Variants in SHISAL2B observed in about 807,000 individuals in gnomAD.
SHISAL2B encodes the protein protein shisa-like-2B.
SHISAL2B carries 12 observed loss-of-function variants against 16.5 expected under a neutral mutation model. That is an observed-to-expected ratio of 0.73 (90% CI 0.47 to 1.18). SHISAL2B has a LOEUF of 1.18. SHISAL2B is among the 50% of genes most tolerant of loss of function. The pLI, the probability that SHISAL2B is intolerant of heterozygous loss-of-function variation, is 0.00. For synonymous variants in SHISAL2B, 72 were observed against 75.0 expected, an observed-to-expected ratio of 0.96 and a Z score of 0.21; for missense variants, 183 against 193.6, an observed-to-expected ratio of 0.95 and a Z score of 0.33.
rs567689482 is a variant in SHISAL2B, at chr5:64,692,277, G to A, written c.191+1463G>A. On this transcript the variant is annotated intron_variant, in intron 1 of 2. Coordinates refer to ENST00000389074, the MANE Select transcript of SHISAL2B (RefSeq NM_001164442.2). ...AAACTCAACTGGAAAATGTGCCTGA[G>A]ATTCTCAGATCCTTGAATAGTTCCA... Among the ~76,000 whole-genome samples the A allele has an allele frequency of 8.5e-4, 130 of 152,318 alleles. 2 individuals are homozygous for A. The highest frequency in any genetic ancestry group is 1.6e-3 in the Non-Finnish European group (112 of 68,036).
At chr5:64,693,101 G>A (rs1208838384) in intron 1 of SHISAL2B, among the ~76,000 whole-genome samples, 1 of 151,554 alleles carries the variant, frequency 6.6e-6, no homozygotes, top group Non-Finnish European at 1.5e-5. Context: ...TTCGCCTTCC[G>A]GGTTCACGCC....
At chr5:64,709,459 C>T (rs1741923785) in intron 2 of SHISAL2B, among the ~76,000 whole-genome samples, 1 of 143,280 alleles carries the variant, frequency 7.0e-6, no homozygotes, top group Non-Finnish European at 1.5e-5. Context: ...TGGGTTGGTT[C>T]CAAGTCTTTG....
At chr5:64,707,339 T>G (rs1409950697) in intron 2 of SHISAL2B, among the ~76,000 whole-genome samples, 1 of 152,156 alleles carries the variant, frequency 6.6e-6, no homozygotes, top group African/African-American at 2.4e-5. Flanking sequence ...CCTCTTGAGG[T>G]CCCAGGATAA....
At chr5:64,714,914 G>A (rs917315364) in intron 2 of SHISAL2B, among the ~76,000 whole-genome samples, 2 of 152,070 alleles carry the variant, frequency 1.3e-5, no homozygotes, top group African/African-American at 2.4e-5. Flanking sequence ...CACGGTGCGT[G>A]CACCCACTGG....
intron 2 of SHISAL2B, among the ~76,000 whole-genome samples, chr5:64,703,231 C>T (rs1741832911): frequency 1.3e-5 from 2 of 152,282 alleles, no homozygotes; most frequent in South Asian, 4.1e-4. Context: ...ATGAATTAGG[C>T]TGCCAAATTA....
chr5:64,718,015 C>T lies in SHISAL2B; in HGVS notation c.476C>T (p.Ala159Val). 6.7e-7 allele frequency: 1 copy of T among 1,499,938 alleles called. No individual in the cohort carries two copies. The allele number at this position is 1,499,938 out of a possible 1,614,324, so 92.9% of individuals were successfully genotyped here. The change falls in exon 3 of 3, where the codon GCT becomes GTT. Residue 159 changes from alanine to valine, a missense_variant. Ala to Val is a moderately conservative substitution (Grantham distance 64). Transcript: ENST00000389074. The part of the protein sequence containing the change: ...KTMDATQIHI[A>V]Y The stretch of plus-strand genomic sequence containing the variant: ...ATGGATGCAACACAAATCCACATTG[C>T]TTATTAACTAAAAATTCTGTGTTTT...
At chr5:64,694,168 T>C (rs1741695276) in intron 1 of SHISAL2B, 1 of 448,946 alleles carries the variant, frequency 2.2e-6, no homozygotes, top group Non-Finnish European at 4.4e-6. Flanking sequence ...AAAAAGATCA[T>C]TACTTTTCAA....
chr5:64,705,995 C>T (rs1741870908), intron 2 of SHISAL2B, among the ~76,000 whole-genome samples: 1 of 152,090 alleles, frequency 6.6e-6, no homozygotes, highest in Non-Finnish European at 1.5e-5. Flanking sequence ...TCCATCTCTA[C>T]CAAAAAATTA....
intron 2 of SHISAL2B, among the ~76,000 whole-genome samples, chr5:64,705,528 G>A (rs1009939835): frequency 1.3e-5 from 2 of 151,836 alleles, no homozygotes; most frequent in East Asian, 1.9e-4. Flanking sequence ...TACTTAAATC[G>A]GTGCTTATAT....
At chr5:64,704,070 T>C (rs563025624) in intron 2 of SHISAL2B, among the ~76,000 whole-genome samples, 1 of 151,784 alleles carries the variant, frequency 6.6e-6, no homozygotes, top group Non-Finnish European at 1.5e-5. Context: ...GTAGATTTTC[T>C]ACTAAATAAT....
chr5:64,716,897 TTGAA>T (rs981920937), intron 2 of SHISAL2B, among the ~76,000 whole-genome samples: 44 of 152,274 alleles, frequency 2.9e-4, no homozygotes, highest in African/African-American at 9.6e-4. Flanking sequence ...GAATAGCTCT[TTGAA>T]TGTTGTGCTG....
intron 2 of SHISAL2B, among the ~76,000 whole-genome samples, chr5:64,702,459 C>T (rs569530578): frequency 6.6e-6 from 1 of 152,238 alleles, no homozygotes; most frequent in Admixed American, 6.5e-5. Flanking sequence ...CTTGGCCTCC[C>T]AAAGTGCTGG....
In SHISAL2B at chr5:64,690,880, C is replaced by T. The variant is rs561537595; in HGVS notation, c.191+66C>T. On this transcript the variant is annotated intron_variant, in intron 1 of 2. Transcript: ENST00000389074. ...GGGGCTAGGGAGGCGACAAGCGGAG[C>T]CACGCCAGGGCCAGGGAGGTTCCCC... The T allele has an allele frequency of 2.4e-5, 33 of 1,376,774 alleles. 1 individual carries two copies. In the South Asian group the frequency reaches 4.6e-4, roughly 19 times the overall value. The allele number at this position is 1,376,774 out of a possible 1,614,324, so 85.3% of individuals were successfully genotyped here.
rs1365172918 is a variant in SHISAL2B, at chr5:64,690,763, G to A, written c.140G>A (p.Ser47Asn). 1 of 1,544,006 alleles carries A rather than the reference G, an allele frequency of 6.5e-7. No individual in the cohort carries two copies. The highest frequency in any genetic ancestry group is 1.4e-5 in the African/African-American group (1 of 72,930). ...TTCGCCGACCTCAAGTACTGCTGCA[G>A]CGAGCCGGGCAGCTACTTCCCCTAC... is the stretch of plus-strand genomic sequence containing the variant. ...CGFADLKYCC[S>N]EPGSYFPYKH... The change falls in exon 1 of 3, where the codon AGC (serine) becomes AAC (asparagine). Residue 47 changes from serine (S) to asparagine (N), a missense_variant. By Grantham distance (46) the Ser-to-Asn change is conservative. Coordinates refer to ENST00000389074, the MANE Select transcript of SHISAL2B (RefSeq NM_001164442.2).
At chr5:64,703,506 T>C (rs1329236521) in intron 2 of SHISAL2B, among the ~76,000 whole-genome samples, 1 of 152,210 alleles carries the variant, frequency 6.6e-6, no homozygotes, top group Non-Finnish European at 1.5e-5. Flanking sequence ...TTTTTGACGT[T>C]ATAATAGCAT....
chr5:64,690,834 G>C lies in SHISAL2B; in HGVS notation c.191+20G>C, dbSNP rs958169580. On this transcript the variant is annotated intron_variant, in intron 1 of 2. Transcript: ENST00000389074. ...CCTCAGGTGGGCTGAGAGCCCGCGCGTGCGGCGGCTGGCCGAGCCCGGGGC... is the reference window on the plus strand; with the variant it reads ...CCTCAGGTGGGCTGAGAGCCCGCGCCTGCGGCGGCTGGCCGAGCCCGGGGC... 36 of 1,484,160 alleles carry C rather than the reference G, an allele frequency of 2.4e-5. No homozygotes were observed. The highest frequency in any genetic ancestry group is 2.6e-5 in the Non-Finnish European group (29 of 1,118,616). The allele number at this position is 1,484,160 out of a possible 1,614,324, so 91.9% of individuals were successfully genotyped here.
At chr5:64,714,932 C>G (rs1267576046) in intron 2 of SHISAL2B, among the ~76,000 whole-genome samples, 3 of 152,148 alleles carry the variant, frequency 2.0e-5, no homozygotes, top group Admixed American at 6.5e-5. Flanking sequence ...TGGCCTGCGC[C>G]CACTGTCTGG....
chr5:64,694,668 T>C (rs1053315198), intron 1 of SHISAL2B, among the ~76,000 whole-genome samples: 8 of 152,186 alleles, frequency 5.3e-5, no homozygotes, highest in African/African-American at 1.9e-4. Context: ...AAAGGAAAAG[T>C]CAAACTGAAC....
At chr5:64,709,656 A>G (rs1244624745) in intron 2 of SHISAL2B, among the ~76,000 whole-genome samples, 1 of 148,962 alleles carries the variant, frequency 6.7e-6, no homozygotes, top group Non-Finnish European at 1.5e-5. Context: ...TCCCACCAAC[A>G]GTGTAAAAGT....
Sources: allele counts gnomAD v4.1 joint callset (sites outside exome capture counted in the v4.1 genomes callset), GRCh38; gene constraint gnomAD v4.1.1; transcripts MANE v1.5; gene names NCBI Gene and HGNC (gene_info 2026-07-23, HGNC 2026-07-21).